TRIM74: variants seen among roughly 807,000 people sequenced by gnomAD.
The protein encoded by TRIM74 is tripartite motif-containing protein 74.
TRIM74 carries 3 observed loss-of-function variants against 14.5 expected under a neutral mutation model. That is an observed-to-expected ratio of 0.21 (90% CI 0.09 to 0.53). The LOEUF is 0.53. Among genes scored for constraint, TRIM74 ranks in the 20% least tolerant of loss-of-function variants. The probability of loss-of-function intolerance (pLI) is 0.95; values close to 1 mark genes in which losing one functional copy is unlikely to be tolerated. For missense variants in TRIM74, 26 were observed against 174.0 expected, an observed-to-expected ratio of 0.15 and a Z score of 4.79; for synonymous variants, 10 against 71.3, an observed-to-expected ratio of 0.14 and a Z score of 4.33.
chr7:72,967,436 T>C (rs1157321442), intron 1 of TRIM74, among the ~76,000 whole-genome samples: 2 of 152,094 alleles, frequency 1.3e-5, no homozygotes, highest in Non-Finnish European at 2.9e-5. Flanking sequence ...TTTTAAAATT[T>C]TTTTTGTAGA....
chr7:72,955,110 TA>T (rs1554505434), downstream of TRIM74: 11,525 of 117,142 alleles, frequency 0.098, 378 homozygotes, highest in African/African-American at 0.15. Flanking sequence ...TATATATATA[TA>T]TTTTTTTTTT....
intron 2 of TRIM74, among the ~76,000 whole-genome samples, chr7:72,963,732 A>T (rs1433073089): frequency 6.9e-6 from 1 of 145,036 alleles, no homozygotes; most frequent in Non-Finnish European, 1.5e-5. Context: ...TTAAGCCCAA[A>T]TCTAAAACAG....
At chr7:72,954,999 T>C (rs1481194707), downstream of TRIM74, 2 of 590,836 alleles carry the variant, frequency 3.4e-6, no homozygotes, top group African/African-American at 4.0e-5. Context: ...TTTACTGCTG[T>C]TTAACCGCAG....
At chr7:72,957,695 CGAGGAGAGGCAG>C (rs1175156949), downstream of TRIM74, among the ~76,000 whole-genome samples, 5 of 126,974 alleles carry the variant, frequency 3.9e-5, no homozygotes, top group African/African-American at 9.4e-5. Context: ...CAAAGGAGAC[CGAGGAGAGGCAG>C]GAGGAGAGGC....
chr7:72,960,039 G>T lies in TRIM74; in HGVS notation c.708C>A (p.Asp236Glu). 1.9e-6 allele frequency: 3 copies of T among 1,611,540 alleles called. 1 individual carries two copies. Among genetic ancestry groups the T allele is most frequent in the African/African-American group, 2.7e-5 (2 of 73,748 alleles). Residue 236 changes from aspartate (D) to glutamate (E), a missense_variant, in exon 4 of 5, where the codon GAC becomes GAA. Asp to Glu is a conservative substitution (Grantham distance 45). Coordinates refer to ENST00000285805, the MANE Select transcript of TRIM74 (RefSeq NM_198853.3). ...ECVLEQFGNE[D>E]HHEFIWKFHS... ...CACTCACCCAGATGAACTCATGGTG[G>T]TCCTCATTTCCGAACTGTTCCAGCA...
chr7:72,955,113 T>TATATATATATATA (rs1176742943), downstream of TRIM74: 3 of 140,238 alleles, frequency 2.1e-5, no homozygotes, highest in African/African-American at 1.1e-4. Flanking sequence ...ATATATATAT[T>TATATATATATATA]TTTTTTTTTT....
chr7:72,962,707 T>C (rs1554506546), intron 2 of TRIM74, among the ~76,000 whole-genome samples: 1 of 134,036 alleles, frequency 7.5e-6, no homozygotes, highest in Non-Finnish European at 1.6e-5. Flanking sequence ...AAAGAGAATA[T>C]TCTGCATTGA....
rs1205897766 is a variant in TRIM74, at chr7:72,962,702, G to A, written c.400-1257C>T. On this transcript the variant is annotated intron_variant, in intron 2 of 4. Transcript: ENST00000285805. ...TCTCAAAAAAAAAAAAAAAAAAAGAGAATATTCTGCATTGACAGCAGGAAC... is the reference window on the plus strand; with the variant it reads ...TCTCAAAAAAAAAAAAAAAAAAAGAAAATATTCTGCATTGACAGCAGGAAC... Among the ~76,000 whole-genome samples, 21 of 136,326 alleles carry A rather than the reference G, an allele frequency of 1.5e-4. No homozygotes were observed. In the East Asian group the frequency reaches 3.8e-3, roughly 25 times the overall value. The allele number at this position is 136,326 out of a possible 152,430, so 89.4% of individuals were successfully genotyped here.
downstream of TRIM74, among the ~76,000 whole-genome samples, chr7:72,956,040 ATG>A (rs1798088844): frequency 6.8e-6 from 1 of 147,140 alleles, no homozygotes; most frequent in Non-Finnish European, 1.5e-5. Context: ...TGCTGTGTTC[ATG>A]TATACTTCTT....
chr7:72,965,733 G>A (rs782036957), intron 2 of TRIM74, 26 bp downstream of exon 2: 7 of 138,408 alleles, frequency 5.1e-5, no homozygotes, highest in Admixed American at 1.3e-4. Flanking sequence ...GGGCCCCGCC[G>A]CCCCGCCTGC....
chr7:72,956,893 T>G (rs1417650460), downstream of TRIM74, among the ~76,000 whole-genome samples: 3 of 152,044 alleles, frequency 2.0e-5, no homozygotes, highest in Admixed American at 1.3e-4. Flanking sequence ...TTTGGGAGAC[T>G]GAGGCTGGTG....
chr7:72,959,981 C>T, intron 4 of TRIM74, 40 bp downstream of exon 4: 1 of 1,604,932 alleles, frequency 6.2e-7, no homozygotes, highest in Non-Finnish European at 8.5e-7. Flanking sequence ...GGGGAAGGCC[C>T]TGGCGGGTAT....
chr7:72,969,175 C>T, intron 1 of TRIM74, 110 bp downstream of exon 1: 1 of 237,378 alleles, frequency 4.2e-6, no homozygotes, highest in Non-Finnish European at 8.4e-6. Context: ...CCATGTGTCC[C>T]ATCATGCCCC....
intron 1 of TRIM74, among the ~76,000 whole-genome samples, chr7:72,967,174 C>T (rs1241575472): frequency 6.6e-6 from 1 of 152,308 alleles, no homozygotes; most frequent in Non-Finnish European, 1.5e-5. Flanking sequence ...ACCTCACGAC[C>T]CCGACAGGAG....
chr7:72,955,307 G>GA (rs1282517060), downstream of TRIM74, among the ~76,000 whole-genome samples: 7 of 128,414 alleles, frequency 5.5e-5, no homozygotes, highest in Non-Finnish European at 8.1e-5. Context: ...ATGTTGGCCA[G>GA]GCTGGCCTCG....
downstream of TRIM74, chr7:72,954,884 T>C: frequency 3.7e-6 from 2 of 540,666 alleles, no homozygotes; most frequent in South Asian, 3.5e-5. Context: ...AGTGCGACGC[T>C]GCGGGCGCAC....
chr7:72,962,458 G>A (rs1397894175), intron 2 of TRIM74, among the ~76,000 whole-genome samples: 2 of 8,994 alleles, frequency 2.2e-4, no homozygotes, highest in South Asian at 5.8e-3. Flanking sequence ...TGAGGCGGGC[G>A]GATCACGAGG....
chr7:72,955,085 GTGTATATATA>G, downstream of TRIM74: 1 of 422,514 alleles, frequency 2.4e-6, no homozygotes, highest in Non-Finnish European at 4.2e-6. Context: ...GTGTGTATGT[GTGTATATATA>G]TATATATATA....
chr7:72,955,705 C>A (rs1269065215), downstream of TRIM74, among the ~76,000 whole-genome samples: 3 of 140,944 alleles, frequency 2.1e-5, no homozygotes, highest in African/African-American at 8.2e-5. Context: ...TGAGGTCCCA[C>A]TCCGTCACCC....
Sources: allele counts gnomAD v4.1 joint callset (sites outside exome capture counted in the v4.1 genomes callset), GRCh38; gene constraint gnomAD v4.1.1; transcripts MANE v1.5; gene names NCBI Gene and HGNC (gene_info 2026-07-23, HGNC 2026-07-21).